Variants in SLC24A1 observed in about 807,000 individuals in gnomAD.
The protein encoded by SLC24A1 is solute carrier family 24 member 1, also known as sodium/potassium/calcium exchanger 1.
Under a neutral mutation model 88.1 loss-of-function variants are expected in SLC24A1, and 52 were observed. The ratio of observed to expected loss-of-function variants is 0.59; its 90% CI spans 0.47 to 0.74. SLC24A1 has a LOEUF of 0.74. SLC24A1 is among the 30% of genes least tolerant of loss of function. SLC24A1 has a pLI of 0.00. For missense variants in SLC24A1, 1,173 were observed against 1,363.3 expected (o/e 0.86, Z 2.20); for synonymous variants, 455 against 498.0 (o/e 0.91, Z 1.15).
At chr15:65,627,330 C>T (rs1451044029) in intron 2 of SLC24A1, among the ~76,000 whole-genome samples, 1 of 152,168 alleles carries the variant, frequency 6.6e-6, no homozygotes, top group African/African-American at 2.4e-5. Context: ...ATGTCTGTGT[C>T]CAAGTGAGTT....
chr15:65,635,443 C>T (rs2074887147), intron 2 of SLC24A1, among the ~76,000 whole-genome samples: 1 of 52,590 alleles, frequency 1.9e-5, no homozygotes, highest in Admixed American at 2.2e-4. Context: ...GAGACTCCGT[C>T]TCCAAAAAAA....
chr15:65,635,482 A>G (rs2074900914), intron 2 of SLC24A1, among the ~76,000 whole-genome samples: 1 of 150,980 alleles, frequency 6.6e-6, no homozygotes, highest in Admixed American at 6.6e-5. Context: ...AAAAAAAAAG[A>G]AAGAACTCTT....
intron 4 of SLC24A1, chr15:65,643,050 CATT>C (rs1013390493): frequency 1.1e-5 from 14 of 1,287,840 alleles, no homozygotes; most frequent in African/African-American, 3.0e-5. Context: ...TTGTTTTCAT[CATT>C]GTTGTTGTTG....
At chr15:65,640,907 A>G (rs1404157990) in intron 4 of SLC24A1, among the ~76,000 whole-genome samples, 1 of 151,924 alleles carries the variant, frequency 6.6e-6, no homozygotes, top group Non-Finnish European at 1.5e-5. Flanking sequence ...AAAATACAAA[A>G]AAAATTAGCC....
At position 65,654,104 on chromosome 15, in the gene SLC24A1, G is replaced by T; in HGVS notation, c.*25G>T. ...AATCAGTCACTCTTGCTCACAATGG[G>T]CATGGATCAGAAGACCATGCAGAAG... is the stretch of plus-strand genomic sequence containing the variant. On this transcript the variant is annotated 3_prime_UTR_variant, in exon 10 of 10. Transcript: ENST00000261892. 1 of 1,604,018 alleles carries T rather than the reference G, an allele frequency of 6.2e-7. No individual in the cohort carries two copies. The highest frequency in any genetic ancestry group is 8.5e-7 in the Non-Finnish European group (1 of 1,173,636).
chr15:65,655,416 G>T lies in SLC24A1; in HGVS notation c.*1337G>T. On this transcript the variant is annotated 3_prime_UTR_variant, in exon 10 of 10. Coordinates refer to ENST00000261892, the MANE Select transcript of SLC24A1 (RefSeq NM_004727.3). ...ACAATGACAACATGGTGAGAAAAGTGCAGTACTACTTCCAAGGTAGCTAGT... is the reference window on the plus strand; with the variant it reads ...ACAATGACAACATGGTGAGAAAAGTTCAGTACTACTTCCAAGGTAGCTAGT... The T allele has an allele frequency of 1.0e-6, 1 of 985,408 alleles. No individual in the cohort carries two copies. The highest frequency in any genetic ancestry group is 1.2e-6 in the Non-Finnish European group (1 of 829,898). The allele number at this position is 985,408 out of a possible 1,614,324, so 61.0% of individuals were successfully genotyped here. A position where few individuals can be genotyped will look rare whatever the true frequency, so the allele number is the denominator to read the frequency against.
In SLC24A1 at chr15:65,623,944, T is replaced by TA; in HGVS notation, c.-126-10dup. On this transcript the variant is annotated splice_polypyrimidine_tract_variant and intron_variant, in intron 1 of 9. Transcript: ENST00000261892. ...TTAGTGGTAAATAATCTCTTTTTTT[T>TA]ACCCACCTAGGGTTGTGGATACCCC... The TA allele has an allele frequency of 1.5e-6, 1 of 677,240 alleles. No homozygotes were observed. Among genetic ancestry groups the TA allele is most frequent in the South Asian group, 2.3e-5 (1 of 42,626 alleles). 42.0% of individuals were successfully genotyped at this position (677,240 alleles called of 1,614,324 possible).
At chr15:65,635,317 T>C (rs1728980382) in intron 2 of SLC24A1, among the ~76,000 whole-genome samples, 1 of 151,380 alleles carries the variant, frequency 6.6e-6, no homozygotes, top group Non-Finnish European at 1.5e-5. Flanking sequence ...CAGTCTCTAC[T>C]AAAAACACAA....
At position 65,651,754 on chromosome 15, in the gene SLC24A1, C is replaced by A. The variant is rs1391835873; in HGVS notation, c.2878C>A (p.His960Asn). 3 of 1,582,788 alleles carry A rather than the reference C, an allele frequency of 1.9e-6. No homozygotes were observed. Among genetic ancestry groups the A allele is most frequent in the Non-Finnish European group, 2.6e-6 (3 of 1,151,898 alleles). ...MFSYLMVWWA[H>N]QVGETIGISE... Reference sequence around the variant, plus strand: ...CTCATACCTCATGGTGTGGTGGGCTCACCAGGTGAGTGAACAGCAGGAACG... The same window carrying A: ...CTCATACCTCATGGTGTGGTGGGCTAACCAGGTGAGTGAACAGCAGGAACG... Residue 960 changes from histidine (H) to asparagine (N), a missense_variant, in exon 8 of 10, where the codon CAC becomes AAC. His to Asn is a moderately conservative substitution (Grantham distance 68, BLOSUM62 1). Coordinates refer to ENST00000261892, the MANE Select transcript of SLC24A1 (RefSeq NM_004727.3).
chr15:65,640,209 C>T (rs1467924806), intron 4 of SLC24A1, among the ~76,000 whole-genome samples: 1 of 152,158 alleles, frequency 6.6e-6, no homozygotes, highest in Non-Finnish European at 1.5e-5. Context: ...TTATATTCAA[C>T]TCTGGAGTCC....
chr15:65,656,635 G>A (rs1029116431), downstream of SLC24A1, among the ~76,000 whole-genome samples: 2 of 152,126 alleles, frequency 1.3e-5, no homozygotes, highest in Non-Finnish European at 2.9e-5. Flanking sequence ...CAAATTCTAG[G>A]TCATTCATTC....
At position 65,624,759 on chromosome 15, in the gene SLC24A1, GC is replaced by G. The variant is rs2074443699; in HGVS notation, c.680del (p.Ala227GlufsTer14). ...AACAGTGAAAGACAGTGACATTACA[GC>G]AACCTATAAAATACTCGAAACCAAC... ...RTTVKDSDIT[A>X]TYKILETNSL... On this transcript the variant is annotated frameshift_variant, in exon 2 of 10. Transcript: ENST00000261892. LOFTEE classifies it high-confidence loss of function. 2.5e-6 allele frequency: 4 copies of G among 1,613,560 alleles called. No individual in the cohort carries two copies. Among genetic ancestry groups the G allele is most frequent in the Non-Finnish European group, 3.4e-6 (4 of 1,179,730 alleles).
At chr15:65,647,306 C>A (rs1040046433) in intron 6 of SLC24A1, among the ~76,000 whole-genome samples, 10 of 151,630 alleles carry the variant, frequency 6.6e-5, no homozygotes, top group African/African-American at 1.2e-4. Context: ...GGTGAAACCC[C>A]ATCTCTACTA....
chr15:65,637,711 G>A (rs865830015), intron 2 of SLC24A1, among the ~76,000 whole-genome samples: 1 of 152,156 alleles, frequency 6.6e-6, no homozygotes, highest in Non-Finnish European at 1.5e-5. Context: ...GTGCAGTGAA[G>A]GAAAAGAACA....
Position 65,625,626 on chromosome 15 carries a change from GTCT to G in SLC24A1, c.1549_1551del (p.Phe517del). 2 of 1,614,030 alleles carry G rather than the reference GTCT, an allele frequency of 1.2e-6. No homozygotes were observed. Among genetic ancestry groups the G allele is most frequent in the Non-Finnish European group, 8.5e-7 (1 of 1,179,890 alleles). The stretch of plus-strand genomic sequence containing the variant: ...TGAGCTCTTCACCTCCCTCATCGGT[GTCT>G]TCATTTCCCACAGCAACGTGGGCAT... On this transcript the variant is annotated inframe_deletion, in exon 2 of 10. Transcript: ENST00000261892.
chr15:65,636,286 A>G (rs1163369095), intron 2 of SLC24A1, among the ~76,000 whole-genome samples: 1 of 152,180 alleles, frequency 6.6e-6, no homozygotes, highest in African/African-American at 2.4e-5. Context: ...CAGACCCAGT[A>G]TCTACAAAAA....
chr15:65,641,056 A>T (rs1009028913), intron 4 of SLC24A1, among the ~76,000 whole-genome samples: 4 of 151,374 alleles, frequency 2.6e-5, no homozygotes, highest in Non-Finnish European at 5.9e-5. Context: ...GTGAGACTCC[A>T]CCTCAAATAA....
At position 65,650,725 on chromosome 15, in the gene SLC24A1, G is replaced by T. The variant is rs1016035124; in HGVS notation, c.2576G>T (p.Ser859Ile). 2.5e-6 allele frequency: 4 copies of T among 1,572,916 alleles called. No individual in the cohort carries two copies. The highest frequency in any genetic ancestry group is 1.4e-5 in the African/African-American group (1 of 73,796). Residue 859 changes from serine to isoleucine, a missense_variant, in exon 7 of 10, where the codon AGC becomes ATC. By Grantham distance (142) the Ser-to-Ile change is moderately radical. Coordinates refer to ENST00000261892, the MANE Select transcript of SLC24A1 (RefSeq NM_004727.3). The surrounding 1 kb of genome is among the most constrained non-coding windows in gnomAD (Gnocchi z 4.1). ...EDGGGSDGGD[S>I]EEEEEEEEEQ... The stretch of plus-strand genomic sequence containing the variant: ...GGAGGGGGAAGTGATGGAGGGGATA[G>T]CGAAGAGGAGGAAGAGGAGGAGGAA...
intron 2 of SLC24A1, among the ~76,000 whole-genome samples, chr15:65,626,792 G>A (rs2074535477): frequency 6.6e-6 from 1 of 152,080 alleles, no homozygotes; most frequent in East Asian, 1.9e-4. Flanking sequence ...AATTTTTTGG[G>A]TTTTTTGGGT....
Sources: allele counts gnomAD v4.1 joint callset (sites outside exome capture counted in the v4.1 genomes callset), GRCh38; gene constraint gnomAD v4.1.1; non-coding constraint Gnocchi (gnomAD v3.1); transcripts MANE v1.5; gene names NCBI Gene and HGNC (gene_info 2026-07-23, HGNC 2026-07-21).